CALCRL: variants seen among roughly 807,000 people sequenced by gnomAD.
The protein encoded by CALCRL is calcitonin receptor like receptor.
A neutral mutation model predicts 60.4 loss-of-function variants in CALCRL; 27 were observed. The observed-to-expected ratio is 0.45, with a 90% CI of 0.33 to 0.62. The LOEUF (loss-of-function observed/expected upper bound fraction) is 0.62, where lower values mean the gene tolerates loss of function less well. Ranked by LOEUF, CALCRL falls within the 20% of genes least tolerant of loss-of-function variation. CALCRL has a pLI of 0.03. For missense variants in CALCRL, 424 were observed against 540.7 expected (o/e 0.78, Z 2.14); for synonymous variants, 190 against 182.6 (o/e 1.04, Z -0.33).
chr2:187,390,496 C>G (rs1688390156), intron 1 of CALCRL, among the ~76,000 whole-genome samples: 1 of 122,112 alleles, frequency 8.2e-6, no homozygotes, highest in Non-Finnish European at 1.9e-5. Context: ...TTTCCAAACC[C>G]CACATATTTG....
intron 1 of CALCRL, among the ~76,000 whole-genome samples, chr2:187,398,060 C>A (rs1490010531): frequency 6.6e-6 from 1 of 151,530 alleles, no homozygotes; most frequent in African/African-American, 2.4e-5. Context: ...ATTTTAGTCA[C>A]CCTCTTTTTA....
chr2:187,397,512 T>C (rs571730707), intron 1 of CALCRL, among the ~76,000 whole-genome samples: 26 of 151,732 alleles, frequency 1.7e-4, no homozygotes, highest in South Asian at 6.2e-4. Context: ...AAATAAGACA[T>C]AAAACCTCCC....
chr2:187,445,036 A>C (rs1482420375), intron 1 of CALCRL, among the ~76,000 whole-genome samples: 1 of 151,758 alleles, frequency 6.6e-6, no homozygotes, highest in East Asian at 1.9e-4. Flanking sequence ...ACTTTGTCAG[A>C]AAAATAGAAC....
intron 14 of CALCRL, 28 bp from the exon 15 acceptor site, chr2:187,346,427 A>C: frequency 6.7e-7 from 1 of 1,497,194 alleles, no homozygotes; most frequent in East Asian, 2.3e-5. Context: ...AACAGAAAGA[A>C]CAAGAACAAC....
chr2:187,443,387 T>C (rs1691017704), intron 1 of CALCRL, among the ~76,000 whole-genome samples: 1 of 151,776 alleles, frequency 6.6e-6, no homozygotes, highest in Non-Finnish European at 1.5e-5. Context: ...AATTCATGGA[T>C]TACTTACAAA....
intron 1 of CALCRL, chr2:187,415,648 C>T: frequency 1.6e-6 from 1 of 619,288 alleles, no homozygotes; most frequent in South Asian, 1.6e-5. Context: ...GGAGGGCCCC[C>T]TCAAGGACAT....
chr2:187,357,380 A>T (rs867345301), intron 12 of CALCRL, among the ~76,000 whole-genome samples: 1 of 151,796 alleles, frequency 6.6e-6, no homozygotes, highest in African/African-American at 2.4e-5. Context: ...AGAAATGATC[A>T]TTCTCAGCAA....
At chr2:187,415,713 C>G (rs932955809) in intron 1 of CALCRL, 6 of 553,948 alleles carry the variant, frequency 1.1e-5, no homozygotes, top group African/African-American at 2.0e-5. Flanking sequence ...GTGACACCCA[C>G]TCTTCCACCT....
chr2:187,411,284 TAA>T (rs1212254740), intron 1 of CALCRL, among the ~76,000 whole-genome samples: 1 of 152,166 alleles, frequency 6.6e-6, no homozygotes, highest in Admixed American at 6.5e-5. Context: ...TAACTATAAA[TAA>T]GACTACTGTA....
At chr2:187,393,952 T>C (rs1574269102) in intron 1 of CALCRL, among the ~76,000 whole-genome samples, 2 of 152,236 alleles carry the variant, frequency 1.3e-5, no homozygotes, top group South Asian at 4.1e-4. Flanking sequence ...CCATGCCCTA[T>C]TCACCAGAAT....
At chr2:187,393,018 A>G (rs80301128) in intron 1 of CALCRL, among the ~76,000 whole-genome samples, 3,370 of 152,298 alleles carry the variant, frequency 0.022, 52 homozygotes, top group Non-Finnish European at 0.033. Flanking sequence ...TGTTACGGAT[A>G]TAAGATTATA....
intron 1 of CALCRL, among the ~76,000 whole-genome samples, chr2:187,425,232 G>T (rs1184327662): frequency 6.6e-6 from 1 of 151,858 alleles, no homozygotes. Flanking sequence ...CAACATAAAT[G>T]TTGACAACTT....
At chr2:187,384,582 G>A (rs1277023104) in intron 4 of CALCRL, among the ~76,000 whole-genome samples, 3 of 152,186 alleles carry the variant, frequency 2.0e-5, no homozygotes, top group Non-Finnish European at 4.4e-5. Flanking sequence ...AGAAGTGCAG[G>A]ATTTGGACTG....
intron 1 of CALCRL, among the ~76,000 whole-genome samples, chr2:187,446,956 T>C (rs1691218914): frequency 1.3e-5 from 2 of 151,920 alleles, no homozygotes; most frequent in Non-Finnish European, 2.9e-5. Flanking sequence ...TGCATTTAGG[T>C]AAGAAAATAT....
At chr2:187,435,190 T>A (rs1484958855) in intron 1 of CALCRL, among the ~76,000 whole-genome samples, 1 of 152,138 alleles carries the variant, frequency 6.6e-6, no homozygotes, top group Non-Finnish European at 1.5e-5. Context: ...GCAGGCTGTA[T>A]AAGCATGGCT....
intron 8 of CALCRL, among the ~76,000 whole-genome samples, chr2:187,370,102 T>C (rs1687457377): frequency 6.6e-6 from 1 of 152,216 alleles, no homozygotes; most frequent in Non-Finnish European, 1.5e-5. Context: ...CTTTATTCTG[T>C]TTTTAAATTA....
intron 8 of CALCRL, among the ~76,000 whole-genome samples, chr2:187,373,252 G>C (rs140154200): frequency 0.01 from 1,585 of 152,074 alleles, 38 homozygotes; most frequent in African/African-American, 0.036. Context: ...AATTATTTTC[G>C]TTAATTCTAG....
intron 8 of CALCRL, among the ~76,000 whole-genome samples, chr2:187,363,847 A>C (rs1256862179): frequency 6.6e-6 from 1 of 152,176 alleles, no homozygotes; most frequent in Non-Finnish European, 1.5e-5. Flanking sequence ...TAATTGATCA[A>C]AACTCCTGCA....
At chr2:187,447,644 C>T (rs1357252896) in intron 1 of CALCRL, among the ~76,000 whole-genome samples, 1 of 152,004 alleles carries the variant, frequency 6.6e-6, no homozygotes. Context: ...CTCTTTCTTA[C>T]AGCTGATAAC....
Sources: gnomAD v4.1 joint callset for allele counts (sites outside exome capture counted in the v4.1 genomes callset) on GRCh38, gnomAD v4.1.1 for gene constraint, MANE v1.5 for transcripts, NCBI Gene and HGNC (gene_info 2026-07-23, HGNC 2026-07-21) for gene names.